Variants in RBMS3 observed in about 807,000 individuals in gnomAD.
RBMS3 encodes RNA binding motif single stranded interacting protein 3.
Under a neutral mutation model 66.8 loss-of-function variants are expected in RBMS3, and 27 were observed. That is an observed-to-expected ratio of 0.40 (90% CI 0.30 to 0.56). The LOEUF is 0.56. RBMS3 is among the 20% of genes least tolerant of loss of function. The pLI is 0.40. For synonymous variants in RBMS3, 188 were observed against 183.0 expected (o/e 1.03, Z -0.22); for missense variants, 513 against 549.5 (o/e 0.93, Z 0.66).
intron 4 of RBMS3, among the ~76,000 whole-genome samples, chr3:29,663,686 T>C (rs2050642355): frequency 1.3e-5 from 2 of 152,236 alleles, no homozygotes; most frequent in Admixed American, 1.3e-4. Context: ...TTTTTCTGAC[T>C]ACACCATGGC....
intron 3 of RBMS3, among the ~76,000 whole-genome samples, chr3:29,510,383 A>T (rs139630716): frequency 1.3e-5 from 2 of 152,170 alleles, no homozygotes; most frequent in African/African-American, 4.8e-5. Context: ...TTCTTCTTCC[A>T]TTCTAAACCT....
At chr3:29,449,503 T>C (rs2041944634) in intron 2 of RBMS3, among the ~76,000 whole-genome samples, 1 of 152,236 alleles carries the variant, frequency 6.6e-6, no homozygotes, top group South Asian at 2.1e-4. Flanking sequence ...AACAACCAAA[T>C]GTTCTTACTA....
chr3:29,754,154 A>G lies in RBMS3; in HGVS notation c.558-8756A>G, dbSNP rs944319375. ...TTTTAAATAGAGGCAGGGTTTCACC[A>G]TGTTGGCCAGGCTGGTCCGAACTCC... On this transcript the variant is annotated intron_variant, in intron 5 of 14. Transcript: ENST00000383767. Among the ~76,000 whole-genome samples the G allele has an allele frequency of 3.3e-5, 5 of 151,820 alleles. No individual in the cohort carries two copies. In the South Asian group the frequency reaches 6.2e-4, roughly 19 times the overall value.
chr3:29,315,757 A>G (rs552367428), intron 1 of RBMS3, among the ~76,000 whole-genome samples: 2 of 151,844 alleles, frequency 1.3e-5, no homozygotes, highest in South Asian at 4.1e-4. Context: ...GTACATGTAT[A>G]GGGGCATGTC....
intron 6 of RBMS3, among the ~76,000 whole-genome samples, chr3:29,828,096 C>G (rs987122840): frequency 1.1e-4 from 16 of 151,340 alleles, no homozygotes; most frequent in Non-Finnish European, 1.9e-4. Flanking sequence ...GAGAGAGAGA[C>G]AGAGAGAATG....
At chr3:29,299,849 T>A (rs2033550498) in intron 1 of RBMS3, among the ~76,000 whole-genome samples, 1 of 151,772 alleles carries the variant, frequency 6.6e-6, no homozygotes, top group Admixed American at 6.6e-5. Context: ...TACTTACAAA[T>A]CTTCATATAG....
intron 2 of RBMS3, among the ~76,000 whole-genome samples, chr3:29,462,016 T>G (rs2125781651): frequency 6.8e-6 from 1 of 146,228 alleles, no homozygotes; most frequent in Non-Finnish European, 1.5e-5. Context: ...GACCTCATGA[T>G]CCGCCCGTCT....
intron 3 of RBMS3, among the ~76,000 whole-genome samples, chr3:29,519,766 G>A (rs183888009): frequency 5.3e-5 from 8 of 152,178 alleles, no homozygotes; most frequent in Admixed American, 5.2e-4. Context: ...GTATCAAACT[G>A]CCTTGTTATT....
chr3:29,306,789 G>A lies in RBMS3; in HGVS notation c.75+25033G>A, dbSNP rs776705818. 6.7e-4 allele frequency among the ~76,000 whole-genome samples: 101 copies of A among 151,850 alleles called. 1 individual carries two copies. The highest frequency in any genetic ancestry group is 3.9e-4 in the Admixed American group (6 of 15,206). The stretch of plus-strand genomic sequence containing the variant: ...TGCTTGACTTTGCTTATGTTCTCCC[G>A]TTTGACTGGAGTCTTTCTCAGTTCT... On this transcript the variant is annotated intron_variant, in intron 1 of 14. Coordinates refer to ENST00000383767, the MANE Select transcript of RBMS3 (RefSeq NM_001003793.3).
intron 1 of RBMS3, among the ~76,000 whole-genome samples, chr3:29,379,396 T>C (rs567740937): frequency 6.6e-6 from 1 of 152,200 alleles, no homozygotes. Context: ...GAAATTTGCC[T>C]CTGTATTAAT....
chr3:29,515,139 T>A (rs1393203083), intron 3 of RBMS3, among the ~76,000 whole-genome samples: 1 of 152,138 alleles, frequency 6.6e-6, no homozygotes, highest in Non-Finnish European at 1.5e-5. Context: ...GACCTTAAGT[T>A]TGGAAAAGGC....
At chr3:29,548,709 A>G (rs1422620981) in intron 3 of RBMS3, among the ~76,000 whole-genome samples, 1 of 152,092 alleles carries the variant, frequency 6.6e-6, no homozygotes, top group African/African-American at 2.4e-5. Flanking sequence ...TAAAGCTTCA[A>G]GTCACCAGTG....
At chr3:29,695,708 A>G (rs1199552932) in intron 4 of RBMS3, among the ~76,000 whole-genome samples, 1 of 152,202 alleles carries the variant, frequency 6.6e-6, no homozygotes, top group Non-Finnish European at 1.5e-5. Context: ...TTTTACTAAC[A>G]GATAAAGCAT....
chr3:29,374,761 T>G (rs2038380796), intron 1 of RBMS3, among the ~76,000 whole-genome samples: 1 of 152,198 alleles, frequency 6.6e-6, no homozygotes, highest in African/African-American at 2.4e-5. Flanking sequence ...CAACTGTATT[T>G]GAATAAATTA....
intron 5 of RBMS3, among the ~76,000 whole-genome samples, chr3:29,744,300 G>A (rs2054776286): frequency 6.6e-6 from 1 of 152,076 alleles, no homozygotes. Flanking sequence ...ATAAATAAAT[G>A]AAATCACTTT....
intron 10 of RBMS3, among the ~76,000 whole-genome samples, chr3:29,932,207 G>C (rs914637281): frequency 1.3e-5 from 2 of 152,050 alleles, no homozygotes; most frequent in Non-Finnish European, 2.9e-5. Flanking sequence ...AATATTTCTA[G>C]GTCAGCCCAT....
At chr3:29,848,615 T>G (rs927160247) in intron 6 of RBMS3, among the ~76,000 whole-genome samples, 2 of 152,226 alleles carry the variant, frequency 1.3e-5, no homozygotes, top group East Asian at 3.8e-4. Flanking sequence ...TCAGACAATA[T>G]GGACAAACCA....
chr3:29,845,040 C>A (rs919656675), intron 6 of RBMS3, among the ~76,000 whole-genome samples: 1 of 152,184 alleles, frequency 6.6e-6, no homozygotes, highest in Non-Finnish European at 1.5e-5. Flanking sequence ...AGAACACCAG[C>A]CTTCAAGGCT....
chr3:29,623,233 T>C, intron 4 of RBMS3, among the ~76,000 whole-genome samples: 1 of 151,824 alleles, frequency 6.6e-6, no homozygotes, highest in South Asian at 2.1e-4. Flanking sequence ...TTAAGATGGC[T>C]ATAATGTAAT....
Sources: allele counts gnomAD v4.1 joint callset (sites outside exome capture counted in the v4.1 genomes callset), GRCh38; gene constraint gnomAD v4.1.1; transcripts MANE v1.5; gene names NCBI Gene and HGNC (gene_info 2026-07-23, HGNC 2026-07-21).